The following ESRRG variants were observed in gnomAD, a reference collection of about 807,000 sequenced individuals.
The protein encoded by ESRRG is estrogen-related receptor gamma.
ESRRG carries 13 observed loss-of-function variants against 44.0 expected under a neutral mutation model. That is an observed-to-expected ratio of 0.30 (90% confidence interval 0.19 to 0.47). The LOEUF is 0.47. Among genes scored for constraint, ESRRG ranks in the 20% least tolerant of loss-of-function variants. The pLI is 1.00. For missense variants in ESRRG, 395 were observed against 580.6 expected (o/e 0.68, Z 3.29); for synonymous variants, 215 against 214.6 (o/e 1.00, Z -0.02).
At chr1:217,003,572 A>AATAAAT (rs1195839133) in intron 1 of ESRRG, among the ~76,000 whole-genome samples, 1 of 103,630 alleles carries the variant, frequency 9.6e-6, no homozygotes, top group African/African-American at 4.8e-5. Flanking sequence ...TATTAATACT[A>AATAAAT]ATTAATAAGT....
chr1:217,117,504 G>A (rs2092746473), intron 1 of ESRRG, among the ~76,000 whole-genome samples: 2 of 152,044 alleles, frequency 1.3e-5, no homozygotes, highest in Admixed American at 6.6e-5. Context: ...TTGATCACTT[G>A]AGCCTAGGAG....
intron 3 of ESRRG, among the ~76,000 whole-genome samples, chr1:216,586,059 A>AT (rs2149895687): frequency 2.2e-5 from 1 of 45,794 alleles, no homozygotes; most frequent in African/African-American, 9.9e-5. Context: ...AAATTAATTA[A>AT]TAAAGTTATT....
chr1:216,762,846 G>A (rs1161133912), intron 2 of ESRRG, among the ~76,000 whole-genome samples: 3 of 151,910 alleles, frequency 2.0e-5, no homozygotes, highest in Admixed American at 6.6e-5. Flanking sequence ...AAAGGAAAGG[G>A]AATACCAATA....
intron 1 of ESRRG, among the ~76,000 whole-genome samples, chr1:216,693,186 CCTTTAGGCTCATAATA>C (rs928903359): frequency 6.6e-6 from 1 of 152,182 alleles, no homozygotes; most frequent in African/African-American, 2.4e-5. Context: ...GGCACTCCTT[CCTTTAGGCTCATAATA>C]CTATGAGCCT....
intron 1 of ESRRG, among the ~76,000 whole-genome samples, chr1:217,101,686 C>A (rs1390264908): frequency 6.6e-6 from 1 of 152,216 alleles, no homozygotes; most frequent in African/African-American, 2.4e-5. Flanking sequence ...AACACACACA[C>A]CCACATGCAT....
chr1:216,682,154 A>G (rs1472336460), intron 1 of ESRRG: 1 of 152,184 alleles, frequency 6.6e-6, no homozygotes, highest in African/African-American at 2.4e-5. Context: ...TTGCTACTGT[A>G]TTTCCACCCT....
intron 3 of ESRRG, among the ~76,000 whole-genome samples, chr1:216,584,514 C>A (rs1162542366): frequency 1.3e-5 from 2 of 152,076 alleles, no homozygotes; most frequent in Non-Finnish European, 2.9e-5. Flanking sequence ...CCTCGGCCTC[C>A]CAAAGTGCTG....
chr1:216,648,633 A>G (rs1219659171), intron 3 of ESRRG, among the ~76,000 whole-genome samples: 1 of 152,184 alleles, frequency 6.6e-6, no homozygotes, highest in Non-Finnish European at 1.5e-5. Flanking sequence ...AACCTGGAAA[A>G]GCAAATGGTA....
intron 5 of ESRRG, among the ~76,000 whole-genome samples, chr1:216,538,260 G>T (rs78310453): frequency 0.014 from 444 of 31,070 alleles, 3 homozygotes; most frequent in African/African-American, 0.019. Flanking sequence ...TAAAAATTTT[G>T]TGTGTGTGTG....
At chr1:216,747,136 A>G (rs2091489107) in intron 2 of ESRRG, among the ~76,000 whole-genome samples, 1 of 152,144 alleles carries the variant, frequency 6.6e-6, no homozygotes, top group African/African-American at 2.4e-5. Context: ...ATCTGATTTT[A>G]CCTATTTGTG....
chr1:216,692,365 A>G (rs901177286), intron 1 of ESRRG, among the ~76,000 whole-genome samples: 1 of 151,700 alleles, frequency 6.6e-6, no homozygotes, highest in Admixed American at 6.6e-5. Context: ...TTAACAAAAG[A>G]GTTTAACAAG....
intron 1 of ESRRG, among the ~76,000 whole-genome samples, chr1:217,109,816 A>G (rs932028842): frequency 7.9e-5 from 12 of 152,180 alleles, no homozygotes; most frequent in Admixed American, 7.9e-4. Flanking sequence ...AAAGAAAGCA[A>G]AAAACCCTAA....
rs573606387 is a variant in ESRRG, at chr1:217,067,931, A to T, written c.-106+21576T>A. Among the ~76,000 whole-genome samples the T allele has an allele frequency of 3.3e-5, 5 of 152,314 alleles. No individual in the cohort carries two copies. In the East Asian group the frequency reaches 9.7e-4, roughly 29 times the overall value. On this transcript the variant is annotated intron_variant, in intron 1 of 7. Coordinates refer to the ESRRG transcript ENST00000359162. Reference sequence around the variant, plus strand: ...TAAGGGTATTAGTCGCTTTGATGAAAGAATGTTGCACCATCTCCACACACA... The same window carrying T: ...TAAGGGTATTAGTCGCTTTGATGAATGAATGTTGCACCATCTCCACACACA...
At chr1:217,057,850 A>G (rs2087461979) in intron 1 of ESRRG, among the ~76,000 whole-genome samples, 1 of 152,180 alleles carries the variant, frequency 6.6e-6, no homozygotes, top group Non-Finnish European at 1.5e-5. Context: ...ATCGGCTATC[A>G]TTAGTGTTAG....
intron 2 of ESRRG, among the ~76,000 whole-genome samples, chr1:216,844,280 G>C (rs765411452): frequency 6.6e-6 from 1 of 152,042 alleles, no homozygotes; most frequent in Non-Finnish European, 1.5e-5. Flanking sequence ...AACTAAATAG[G>C]TGGGTATTGT....
chr1:216,706,072 C>A (rs1441323839), intron 1 of ESRRG, among the ~76,000 whole-genome samples: 1 of 152,154 alleles, frequency 6.6e-6, no homozygotes, highest in Non-Finnish European at 1.5e-5. Flanking sequence ...CCCCCAGCAA[C>A]CCCTGATGTT....
chr1:216,765,512 C>A (rs2093030225), intron 2 of ESRRG, among the ~76,000 whole-genome samples: 4 of 152,050 alleles, frequency 2.6e-5, no homozygotes, highest in Admixed American at 2.6e-4. Flanking sequence ...TTTATCTGGA[C>A]AAGTTTACCT....
At chr1:216,672,443 G>T in intron 2 of ESRRG, among the ~76,000 whole-genome samples, 1 of 152,272 alleles carries the variant, frequency 6.6e-6, no homozygotes, top group Admixed American at 6.5e-5. Context: ...GCTCTGAAAA[G>T]AACAATTTGT....
chr1:216,747,699 G>A (rs372149671), intron 2 of ESRRG, among the ~76,000 whole-genome samples: 3 of 152,228 alleles, frequency 2.0e-5, no homozygotes, highest in East Asian at 1.9e-4. Flanking sequence ...GACTTTGAGC[G>A]AAACGTTCAA....
Sources: allele counts gnomAD v4.1 joint callset (sites outside exome capture counted in the v4.1 genomes callset), GRCh38; gene constraint gnomAD v4.1.1; transcripts MANE v1.5; gene names NCBI Gene and HGNC (gene_info 2026-07-23, HGNC 2026-07-21).